CFI: variants seen among roughly 807,000 people sequenced by gnomAD.
CFI encodes C3B/C4B inactivator.
In CFI, 66 loss-of-function variants were observed where a neutral mutation model predicts 78.8. The observed-to-expected ratio is 0.84, with a 90% CI of 0.69 to 1.03. The LOEUF is 1.03. Among genes scored for constraint, CFI ranks in the 50% least tolerant of loss-of-function variants. CFI has a pLI of 0.00. For synonymous variants in CFI, 250 were observed against 232.6 expected (o/e 1.07, Z -0.68); for missense variants, 706 against 704.5 (o/e 1.00, Z -0.02).
chr4:109,785,770 G>C (rs1730665535), intron 1 of CFI, among the ~76,000 whole-genome samples: 1 of 151,986 alleles, frequency 6.6e-6, no homozygotes, highest in African/African-American at 2.4e-5. Context: ...CACCTATGCT[G>C]TTCTTGTAAT....
the CFI span, among the ~76,000 whole-genome samples, chr4:109,731,831 C>A: frequency 6.6e-6 from 1 of 152,154 alleles, no homozygotes; most frequent in African/African-American, 2.4e-5. Flanking sequence ...CAAACCAAGG[C>A]CTCTGTCTTC....
intron 8 of CFI, among the ~76,000 whole-genome samples, chr4:109,752,056 A>G (rs1388005251): frequency 6.6e-6 from 1 of 152,204 alleles, no homozygotes; most frequent in Non-Finnish European, 1.5e-5. Flanking sequence ...AAGGTCTCCT[A>G]TTACCGTGAT....
intron 1 of CFI, among the ~76,000 whole-genome samples, chr4:109,785,820 G>T (rs1302280793): frequency 3.3e-5 from 5 of 151,850 alleles, no homozygotes; most frequent in Non-Finnish European, 7.4e-5. Flanking sequence ...TTTCATAAGG[G>T]GCTCTTCCTC....
intron 1 of CFI, among the ~76,000 whole-genome samples, chr4:109,798,470 G>GTACA (rs1242969884): frequency 1.3e-5 from 2 of 151,042 alleles, no homozygotes. Context: ...CACTAAATAT[G>GTACA]TAGAGTTTAT....
chr4:109,799,815 G>A (rs1053298796), intron 1 of CFI, among the ~76,000 whole-genome samples: 7 of 152,168 alleles, frequency 4.6e-5, no homozygotes, highest in African/African-American at 1.7e-4. Context: ...TTGTTATTGT[G>A]TTAAGGCTAT....
At chr4:109,787,969 C>T (rs1466029195) in intron 1 of CFI, among the ~76,000 whole-genome samples, 3 of 151,938 alleles carry the variant, frequency 2.0e-5, no homozygotes, top group African/African-American at 7.3e-5. Flanking sequence ...CTTATCCTCT[C>T]AATCCACTCA....
At chr4:109,738,576 G>GGCAGGTCTTA (rs1723515587), downstream of CFI, among the ~76,000 whole-genome samples, 1 of 152,102 alleles carries the variant, frequency 6.6e-6, no homozygotes, top group South Asian at 2.1e-4. Flanking sequence ...TTTGAGCCTG[G>GGCAGGTCTTA]GCAGGTCTTT....
At chr4:109,770,488 G>T (rs1202163462) in intron 1 of CFI, among the ~76,000 whole-genome samples, 2 of 151,196 alleles carry the variant, frequency 1.3e-5, no homozygotes, top group African/African-American at 4.9e-5. Context: ...CCCGGGAGGT[G>T]GAGTTTGCAG....
intron 1 of CFI, among the ~76,000 whole-genome samples, chr4:109,800,321 GTTTTTTT>G (rs554145445): frequency 1.6e-4 from 8 of 48,808 alleles, no homozygotes; most frequent in Admixed American, 4.0e-4. Flanking sequence ...TGGCTTCTCT[GTTTTTTT>G]TTTTTTTTTT....
At chr4:109,740,406 G>A (rs1368547034), downstream of CFI, among the ~76,000 whole-genome samples, 3 of 152,226 alleles carry the variant, frequency 2.0e-5, no homozygotes, top group Admixed American at 6.5e-5. Flanking sequence ...GAGGAAGCAG[G>A]GAAATGGGAC....
chr4:109,779,364 G>A (rs1047793430), intron 1 of CFI, among the ~76,000 whole-genome samples: 1 of 152,018 alleles, frequency 6.6e-6, no homozygotes, highest in Non-Finnish European at 1.5e-5. Context: ...GCCAAATCAT[G>A]AGTGAACTCC....
chr4:109,767,804 A>G (rs950776374), intron 1 of CFI, among the ~76,000 whole-genome samples: 6 of 152,106 alleles, frequency 3.9e-5, no homozygotes, highest in Non-Finnish European at 8.8e-5. Context: ...AGGATTATAA[A>G]TCATGCTGCT....
At chr4:109,778,003 A>G (rs888280069) in intron 1 of CFI, among the ~76,000 whole-genome samples, 37 of 152,102 alleles carry the variant, frequency 2.4e-4, no homozygotes, top group Non-Finnish European at 4.4e-4. Context: ...CGAAATTTAT[A>G]GCACTAAATG....
At chr4:109,787,276 C>A (rs1730859991) in intron 1 of CFI, among the ~76,000 whole-genome samples, 1 of 152,096 alleles carries the variant, frequency 6.6e-6, no homozygotes. Context: ...AGTGAATAAG[C>A]AACTTGGATC....
intron 1 of CFI, among the ~76,000 whole-genome samples, chr4:109,771,714 CAAAAAAAAAAA>C (rs149565381): frequency 3.9e-4 from 7 of 18,116 alleles, no homozygotes; most frequent in South Asian, 2.4e-3. Context: ...ACTCCATCAC[CAAAAAAAAAAA>C]AAAAAAAAAA....
intron 7 of CFI, among the ~76,000 whole-genome samples, chr4:109,756,228 T>A (rs1726114945): frequency 6.6e-6 from 1 of 151,768 alleles, no homozygotes. Flanking sequence ...GCTTGACCCC[T>A]GATGATCATG....
In CFI at chr4:109,749,518, C is replaced by T. The variant is rs1312234258; in HGVS notation, c.1025G>A (p.Gly342Glu). The T allele has an allele frequency of 6.8e-6, 11 of 1,612,922 alleles. No individual in the cohort carries two copies. The highest frequency in any genetic ancestry group is 9.3e-6 in the Non-Finnish European group (11 of 1,179,004). Residue 342 changes from glycine to glutamate, a missense_variant, in exon 9 of 13, where the codon GGA becomes GAA. Coordinates refer to ENST00000394634, the MANE Select transcript of CFI (RefSeq NM_000204.5). ...RMHIRRKRIV[G>E]GKRAQLGDLP... ...CTTTACCAGTTGTGCTCGCTTTCCT[C>T]CCACAATTCGTTTCCTTCGAATGTG...
At chr4:109,747,691 T>G (rs938949555) in intron 10 of CFI, among the ~76,000 whole-genome samples, 1 of 152,180 alleles carries the variant, frequency 6.6e-6, no homozygotes, top group Non-Finnish European at 1.5e-5. Context: ...AATGGAAATC[T>G]TTTCAAAAAA....
intron 1 of CFI, among the ~76,000 whole-genome samples, chr4:109,776,843 C>G (rs905707001): frequency 1.3e-5 from 2 of 152,192 alleles, no homozygotes; most frequent in Admixed American, 6.5e-5. Context: ...AAAGAATTTT[C>G]AACCCAGAAT....
Sources: allele counts gnomAD v4.1 joint callset (sites outside exome capture counted in the v4.1 genomes callset), GRCh38; gene constraint gnomAD v4.1.1; transcripts MANE v1.5; gene names NCBI Gene and HGNC (gene_info 2026-07-23, HGNC 2026-07-21).